The following LARP1 variants were observed in gnomAD, a reference collection of about 807,000 sequenced individuals.
LARP1 encodes la-related protein 1.
A neutral mutation model predicts 122.7 loss-of-function variants in LARP1; 36 were observed. That is an observed-to-expected ratio of 0.29 (90% CI 0.22 to 0.39). LARP1 has a LOEUF of 0.39. Among genes scored for constraint, LARP1 ranks in the 10% least tolerant of loss-of-function variants. The pLI, the probability that LARP1 is intolerant of heterozygous loss-of-function variation, is 1.00. For missense variants in LARP1, 1,040 were observed against 1,403.6 expected, an observed-to-expected ratio of 0.74 and a Z score of 4.14; for synonymous variants, 539 against 528.7, an observed-to-expected ratio of 1.02 and a Z score of -0.27.
Position 154,755,884 on chromosome 5 carries a change from G to T in LARP1, c.127G>T (p.Asp43Tyr). The change falls in exon 1 of 19, where the codon GAC (aspartate) becomes TAC (tyrosine). Residue 43 changes from aspartate (D) to tyrosine (Y), a missense_variant. Asp to Tyr is a radical substitution (Grantham distance 160). This residue lies in a region of LARP1 where 257 missense variants were observed against 273.3 expected (regional missense o/e 0.94). Coordinates refer to ENST00000518297, the MANE Select transcript of LARP1 (RefSeq NM_033551.3). ...GGGCAAGGGCGAGCCCGGGCCAAAC[G>T]ACGTCCGCGGGGGGGAGCCGGACGG... is the stretch of plus-strand genomic sequence containing the variant. ...PEGKGEPGPN[D>Y]VRGGEPDGSA... is the part of the protein sequence containing the mutation. 1 of 1,013,360 alleles carries T rather than the reference G, an allele frequency of 9.9e-7. No homozygotes were observed. Among genetic ancestry groups the T allele is most frequent in the Non-Finnish European group, 1.2e-6 (1 of 846,256 alleles). The allele number at this position is 1,013,360 out of a possible 1,614,324, so 62.8% of individuals were successfully genotyped here.
chr5:154,798,751 C>T (rs1192490615), intron 8 of LARP1, among the ~76,000 whole-genome samples: 1 of 152,226 alleles, frequency 6.6e-6, no homozygotes, highest in African/African-American at 2.4e-5. Context: ...ACCTTGACCT[C>T]CCAAAATGTT....
intron 1 of LARP1, among the ~76,000 whole-genome samples, chr5:154,785,434 G>C (rs1422140174): frequency 6.6e-6 from 1 of 152,208 alleles, no homozygotes; most frequent in African/African-American, 2.4e-5. Flanking sequence ...GAAATAGTAA[G>C]CTTCCTTTGT....
At chr5:154,686,369 G>A (rs1273435967) in intron 1 of LARP1, among the ~76,000 whole-genome samples, 2 of 152,158 alleles carry the variant, frequency 1.3e-5, no homozygotes, top group Admixed American at 6.6e-5. Context: ...TAGATGGGTG[G>A]GGGAGTGTTC....
intron 1 of LARP1, among the ~76,000 whole-genome samples, chr5:154,772,440 TG>T (rs1051345017): frequency 6.6e-6 from 1 of 152,130 alleles, no homozygotes; most frequent in Non-Finnish European, 1.5e-5. Flanking sequence ...AAAGACAAAA[TG>T]GGGTCATAGT....
At chr5:154,811,195 C>A in intron 16 of LARP1, 52 bp from the exon 17 acceptor site, 2 of 1,352,874 alleles carry the variant, frequency 1.5e-6, no homozygotes, top group South Asian at 1.2e-5. Context: ...GGCACATTTC[C>A]CGTTTTACAG....
At chr5:154,711,139 T>C (rs1755197406), upstream of LARP1, among the ~76,000 whole-genome samples, 1 of 147,696 alleles carries the variant, frequency 6.8e-6, no homozygotes. Flanking sequence ...TTCAGTGTGG[T>C]ACTTTTTTTT....
chr5:154,709,125 T>C (rs1011079607), upstream of LARP1, among the ~76,000 whole-genome samples: 2 of 152,210 alleles, frequency 1.3e-5, no homozygotes, highest in African/African-American at 4.8e-5. Context: ...GTGTCACCTT[T>C]TGAACTGCAG....
intron 1 of LARP1, among the ~76,000 whole-genome samples, chr5:154,706,729 A>G (rs78739645): frequency 1.4e-5 from 2 of 145,254 alleles, no homozygotes; most frequent in Non-Finnish European, 1.5e-5. Flanking sequence ...GGAAAGTTGG[A>G]AAAAAAAAAA....
At chr5:154,754,693 A>C (rs1753688043), upstream of LARP1, among the ~76,000 whole-genome samples, 1 of 152,070 alleles carries the variant, frequency 6.6e-6, no homozygotes, top group South Asian at 2.1e-4. Flanking sequence ...CCGGAGTTGA[A>C]CCCATCTCCG....
At chr5:154,704,492 C>T (rs1391654845) in intron 1 of LARP1, among the ~76,000 whole-genome samples, 1 of 151,704 alleles carries the variant, frequency 6.6e-6, no homozygotes, top group Non-Finnish European at 1.5e-5. Flanking sequence ...ACTAAAAATA[C>T]AAAAATTAGC....
rs1335171921 is a variant in LARP1 at position 154,739,050 on chromosome 5, C to G, written c.205+25920C>G. On this transcript the variant is annotated intron_variant, in intron 1 of 18. Coordinates refer to the LARP1 transcript ENST00000336314. ...TGTTTGTTTGAGACAGAGTCTTGCT[C>G]TGTCACCCAGGCTGGAGTGCAGTGG... 3.3e-5 allele frequency among the ~76,000 whole-genome samples: 5 copies of G among 152,310 alleles called. No individual in the cohort carries two copies. The East Asian group carries it at 9.6e-4, about 29-fold the overall frequency.
intron 1 of LARP1, among the ~76,000 whole-genome samples, chr5:154,718,210 C>T (rs6863954): frequency 0.38 from 58,352 of 152,054 alleles, 12,362 homozygotes; most frequent in Non-Finnish European, 0.49. Flanking sequence ...GCAGAGCCAC[C>T]TCACCAGCAG....
intron 1 of LARP1, among the ~76,000 whole-genome samples, chr5:154,777,226 C>T (rs753687323): frequency 1.7e-4 from 26 of 152,078 alleles, no homozygotes; most frequent in Admixed American, 1.6e-3. Flanking sequence ...GTAGGTCGGC[C>T]GCGGTGGCTC....
At chr5:154,741,796 GTTGT>G (rs1226338269) in intron 1 of LARP1, among the ~76,000 whole-genome samples, 8 of 151,930 alleles carry the variant, frequency 5.3e-5, no homozygotes, top group South Asian at 4.1e-4. Flanking sequence ...GTTATGGAGG[GTTGT>G]TTGTTTGTTT....
At chr5:154,779,036 CT>C (rs144191079) in intron 1 of LARP1, among the ~76,000 whole-genome samples, 1 of 152,064 alleles carries the variant, frequency 6.6e-6, no homozygotes, top group African/African-American at 2.4e-5. Context: ...CTTACCCCAC[CT>C]TTTTTTGGGC....
intron 8 of LARP1, among the ~76,000 whole-genome samples, chr5:154,795,866 T>C (rs1298601778): frequency 7.5e-6 from 1 of 133,880 alleles, no homozygotes; most frequent in Non-Finnish European, 1.5e-5. Context: ...TTTATATACA[T>C]TTATATATAA....
chr5:154,756,577 GC>G (rs1753933959), intron 1 of LARP1: 1 of 867,160 alleles, frequency 1.2e-6, no homozygotes, highest in Non-Finnish European at 1.4e-6. Context: ...TTCCCACCCC[GC>G]CCGGCGCTCC....
intron 1 of LARP1, among the ~76,000 whole-genome samples, chr5:154,778,549 C>A (rs748721331): frequency 2.0e-5 from 3 of 152,086 alleles, no homozygotes; most frequent in Non-Finnish European, 2.9e-5. Flanking sequence ...CCTGGAAAGC[C>A]GGCTGCATTT....
intron 1 of LARP1, among the ~76,000 whole-genome samples, chr5:154,691,173 A>G (rs1329708948): frequency 6.6e-6 from 1 of 150,998 alleles, no homozygotes; most frequent in Non-Finnish European, 1.5e-5. Flanking sequence ...GAGGCAGGAG[A>G]ATGGCGTGAA....
Sources: allele counts gnomAD v4.1 joint callset (sites outside exome capture counted in the v4.1 genomes callset), GRCh38; gene constraint gnomAD v4.1.1; regional missense constraint gnomAD v4.1.1; transcripts MANE v1.5; gene names NCBI Gene and HGNC (gene_info 2026-07-23, HGNC 2026-07-21).